The following PSMD13 variants were observed in gnomAD, a reference collection of about 807,000 sequenced individuals.
The protein encoded by PSMD13 is 26S proteasome non-ATPase regulatory subunit 13.
A neutral mutation model predicts 57.4 loss-of-function variants in PSMD13; 8 were observed. That is an observed-to-expected ratio of 0.14 (90% CI 0.08 to 0.25). PSMD13 has a LOEUF of 0.25. Ranked by LOEUF, PSMD13 falls within the 10% of genes least tolerant of loss-of-function variation. The pLI is 1.00. For synonymous variants in PSMD13, 193 were observed against 168.2 expected (o/e 1.15, Z -1.14); for missense variants, 400 against 461.5 (o/e 0.87, Z 1.22).
rs554263502 is a variant in PSMD13 at position 252,341 on chromosome 11, C to T, written c.1036-164C>T. 17 of 631,988 alleles carry T rather than the reference C, an allele frequency of 2.7e-5. No individual in the cohort carries two copies. Among genetic ancestry groups the T allele is most frequent in the East Asian group, 5.3e-5 (2 of 37,736 alleles). The allele number at this position is 631,988 out of a possible 1,614,324, so 39.1% of individuals were successfully genotyped here. On this transcript the variant is annotated intron_variant, in intron 12 of 12. Coordinates refer to ENST00000532097, the MANE Select transcript of PSMD13 (RefSeq NM_002817.4). This position sits in a 1 kb window ranked among gnomAD's most constrained non-coding sequence, Gnocchi z 4.1. The stretch of plus-strand genomic sequence containing the variant: ...AACGTTCCTGTGAAAAGAATTAACC[C>T]GGCAAGTCCCGTCCCACTCCCCCAG...
Position 244,687 on chromosome 11 carries a change from G to A in PSMD13, c.322G>A (p.Asp108Asn), listed in dbSNP as rs1321119969. ...EKTREKVKSSDEAVILCKTAI... is the reference protein window; with the variant it reads ...EKTREKVKSSNEAVILCKTAI... ...TTTGATGTCTTAGGTGAAAAGTAGT[G>A]ATGAGGCAGTGATCCTGTGTAAAAC... The change falls in exon 6 of 13, where the codon GAT (aspartate) becomes AAT (asparagine). Residue 108 changes from aspartate to asparagine, a missense_variant. Asp to Asn is a conservative substitution (Grantham distance 23). Transcript: ENST00000532097. The A allele has an allele frequency of 6.2e-7, 1 of 1,613,102 alleles. No homozygotes were observed. Among genetic ancestry groups the A allele is most frequent in the Non-Finnish European group, 8.5e-7 (1 of 1,179,720 alleles).
In PSMD13 at chr11:251,025, C is replaced by T. The variant is rs1282919289; in HGVS notation, c.837+160C>T. ...CCACCTTCCTTTTCCTTTGCTACCA[C>T]TTGCTCTTCTAAGTTTATATTTGGC... On this transcript the variant is annotated intron_variant, in intron 10 of 12. Coordinates refer to ENST00000532097, the MANE Select transcript of PSMD13 (RefSeq NM_002817.4). This position sits in a 1 kb window ranked among gnomAD's most constrained non-coding sequence, Gnocchi z 4.6. 6 of 671,604 alleles carry T rather than the reference C, an allele frequency of 8.9e-6. No individual in the cohort carries two copies. Among genetic ancestry groups the T allele is most frequent in the Non-Finnish European group, 1.5e-5 (6 of 388,166 alleles). 41.6% of individuals were successfully genotyped at this position (671,604 alleles called of 1,614,324 possible).
At chr11:248,338 T>C (rs1028859265) in intron 7 of PSMD13, 1 of 178,994 alleles carries the variant, frequency 5.6e-6, no homozygotes, top group African/African-American at 2.4e-5. Flanking sequence ...GCAGTTTTTA[T>C]TACTGTATGT....
At position 252,438 on chromosome 11, in the gene PSMD13, G is replaced by A. The variant is rs1302078817; in HGVS notation, c.1036-67G>A. 6 of 1,472,478 alleles carry A rather than the reference G, an allele frequency of 4.1e-6. No individual in the cohort carries two copies. In the East Asian group the frequency reaches 1.1e-4, roughly 28 times the overall value. The allele number at this position is 1,472,478 out of a possible 1,614,324, so 91.2% of individuals were successfully genotyped here. On this transcript the variant is annotated intron_variant, in intron 12 of 12. Transcript: ENST00000532097. This position sits in a 1 kb window ranked among gnomAD's most constrained non-coding sequence, Gnocchi z 4.1. The stretch of plus-strand genomic sequence containing the variant: ...ATGTAGAGTCACCCCATCAGGTGCT[G>A]TGCCGGCCGCTCGGCCTGTGTCTCC...
intron 6 of PSMD13, among the ~76,000 whole-genome samples, chr11:246,832 A>G (rs916920240): frequency 2.0e-5 from 3 of 152,078 alleles, no homozygotes; most frequent in Admixed American, 6.5e-5. Context: ...TGTGTCCCCA[A>G]ATTTGTCAAT....
chr11:237,267 G>A (rs1232586466), intron 1 of PSMD13, 123 bp downstream of exon 1: 2 of 864,548 alleles, frequency 2.3e-6, no homozygotes, highest in East Asian at 2.7e-5. Flanking sequence ...GGGAAACGGG[G>A]ACGTGTAGCG....
At chr11:244,998 T>G (rs960580042) in intron 6 of PSMD13, among the ~76,000 whole-genome samples, 2 of 149,818 alleles carry the variant, frequency 1.3e-5, no homozygotes, top group African/African-American at 2.5e-5. Context: ...TGGAGTGCAA[T>G]GGTGCAATCT....
At chr11:244,494 CTTTTAGTACCT>C in intron 5 of PSMD13, 25 bp downstream of exon 5, 1 of 93,124 alleles carries the variant, frequency 1.1e-5, no homozygotes, top group Admixed American at 5.5e-4. Flanking sequence ...TGGGCAATAC[CTTTTAGTACCT>C]TTTAGAGTAT....
At chr11:240,449 A>G (rs529075933) in intron 2 of PSMD13, among the ~76,000 whole-genome samples, 3 of 152,270 alleles carry the variant, frequency 2.0e-5, no homozygotes, top group East Asian at 1.9e-4. Context: ...AAGGTTCTAA[A>G]TCATCACGAT....
At position 252,332 on chromosome 11, in the gene PSMD13, GAATT is replaced by G; in HGVS notation, c.1036-170_1036-167del. The G allele has an allele frequency of 1.6e-6, 1 of 612,248 alleles. No individual in the cohort carries two copies. Among genetic ancestry groups the G allele is most frequent in the Non-Finnish European group, 2.9e-6 (1 of 343,372 alleles). The allele number at this position is 612,248 out of a possible 1,614,324, so 37.9% of individuals were successfully genotyped here. A position where few individuals can be genotyped will look rare whatever the true frequency, so the allele number is the denominator to read the frequency against. On this transcript the variant is annotated intron_variant, in intron 12 of 12. Coordinates refer to ENST00000532097, the MANE Select transcript of PSMD13 (RefSeq NM_002817.4). The surrounding 1 kb of genome is among the most constrained non-coding windows in gnomAD (Gnocchi z 4.1). The stretch of plus-strand genomic sequence containing the variant: ...GTTTTTTCTAACGTTCCTGTGAAAA[GAATT>G]AACCCGGCAAGTCCCGTCCCACTCC...
chr11:240,322 G>C (rs891591634), intron 2 of PSMD13, among the ~76,000 whole-genome samples: 3 of 152,030 alleles, frequency 2.0e-5, no homozygotes, highest in African/African-American at 7.2e-5. Flanking sequence ...GTGTTGGCCA[G>C]GCTGGTCTCA....
intron 2 of PSMD13, among the ~76,000 whole-genome samples, chr11:242,032 G>A (rs1859526250): frequency 6.6e-6 from 1 of 151,746 alleles, no homozygotes; most frequent in African/African-American, 2.4e-5. Context: ...CACACCAAAT[G>A]GCCACCTCTC....
chr11:245,364 C>T (rs1202244266), intron 6 of PSMD13, among the ~76,000 whole-genome samples: 1 of 152,212 alleles, frequency 6.6e-6, no homozygotes, highest in Non-Finnish European at 1.5e-5. Flanking sequence ...GAGCACTCCC[C>T]TGTGTGACCA....
chr11:244,335 G>A (rs1859586274), intron 4 of PSMD13, 91 bp from the exon 5 acceptor site: 1 of 1,577,912 alleles, frequency 6.3e-7, no homozygotes, highest in Non-Finnish European at 8.6e-7. Flanking sequence ...ATACTTTATG[G>A]TCAAAACCTA....
At chr11:237,906 C>T (rs1378033114) in intron 1 of PSMD13, among the ~76,000 whole-genome samples, 2 of 152,240 alleles carry the variant, frequency 1.3e-5, no homozygotes, top group African/African-American at 4.8e-5. Context: ...AGTAACCTCC[C>T]TGTTAACCCT....
At chr11:239,766 C>T (rs1014478317) in intron 2 of PSMD13, among the ~76,000 whole-genome samples, 1 of 152,084 alleles carries the variant, frequency 6.6e-6, no homozygotes, top group Admixed American at 6.5e-5. Context: ...CGAATTTGCT[C>T]ACTGGTAGCC....
chr11:238,881 T>G (rs1859457248), intron 1 of PSMD13, 117 bp from the exon 2 acceptor site: 2 of 993,436 alleles, frequency 2.0e-6, no homozygotes, highest in Admixed American at 1.9e-5. Flanking sequence ...TTTGGAGTTT[T>G]GGAGTTTTGG....
At chr11:245,710 GTTT>G (rs1859632225) in intron 6 of PSMD13, among the ~76,000 whole-genome samples, 1 of 86,254 alleles carries the variant, frequency 1.2e-5, no homozygotes, top group African/African-American at 5.9e-5. Flanking sequence ...GTTTGTGTGT[GTTT>G]GTGTGTGTGT....
At chr11:243,513 G>T in intron 2 of PSMD13, 1 of 323,336 alleles carries the variant, frequency 3.1e-6, no homozygotes, top group South Asian at 2.7e-5. Flanking sequence ...TCTGGCTGTA[G>T]GATTTTCAAC....
Sources: gnomAD v4.1 joint callset for allele counts (sites outside exome capture counted in the v4.1 genomes callset) on GRCh38, gnomAD v4.1.1 for gene constraint, Gnocchi (gnomAD v3.1) non-coding constraint, MANE v1.5 for transcripts, NCBI Gene and HGNC (gene_info 2026-07-23, HGNC 2026-07-21) for gene names.